The following PACS1 variants were observed in gnomAD, a reference collection of about 807,000 sequenced individuals.
PACS1 encodes phosphofurin acidic cluster sorting protein 1.
A neutral mutation model predicts 115.0 loss-of-function variants in PACS1; 24 were observed. The observed-to-expected ratio is 0.21, with a 90% confidence interval of 0.15 to 0.29. The LOEUF is 0.29. Ranked by LOEUF, PACS1 falls within the 10% of genes least tolerant of loss-of-function variation. The pLI is 1.00. For synonymous variants in PACS1, 453 were observed against 504.5 expected (o/e 0.90, Z 1.37); for missense variants, 838 against 1,251.2 (o/e 0.67, Z 4.98).
intron 7 of PACS1, 87 bp downstream of exon 7, chr11:66,216,862 C>CTTATTTTTTTTTTTTTTT: frequency 4.7e-6 from 4 of 849,820 alleles, no homozygotes; most frequent in East Asian, 2.7e-5. Flanking sequence ...CTAGTGGAGA[C>CTTATTTTTTTTTTTTTTT]TTCTTAAAAT....
intron 2 of PACS1, among the ~76,000 whole-genome samples, chr11:66,196,040 T>C (rs1406136801): frequency 2.0e-5 from 3 of 152,144 alleles, no homozygotes; most frequent in Non-Finnish European, 4.4e-5. Flanking sequence ...CAGAGGTCAT[T>C]GTGTTGTTTA....
rs1347789516 is a variant in PACS1 at position 66,220,194 on chromosome 11, C to G, written c.1038+389C>G. ...TCCTTGTTGGTCAGCCCTGGAATAACCAGGAATGGGGCTGCTGAGAGAGAA... is the reference window on the plus strand; with the variant it reads ...TCCTTGTTGGTCAGCCCTGGAATAAGCAGGAATGGGGCTGCTGAGAGAGAA... On this transcript the variant is annotated intron_variant, in intron 8 of 23. Transcript: ENST00000320580. 6.3e-6 allele frequency: 2 copies of G among 317,542 alleles called. 1 individual carries two copies. The highest frequency in any genetic ancestry group is 1.5e-4 in the East Asian group (2 of 13,724). 19.7% of individuals were successfully genotyped at this position (317,542 alleles called of 1,614,324 possible).
intron 1 of PACS1, among the ~76,000 whole-genome samples, chr11:66,172,712 C>T (rs908757720): frequency 1.1e-4 from 16 of 152,220 alleles, no homozygotes; most frequent in Admixed American, 8.5e-4. Flanking sequence ...CAGCCAGGTG[C>T]GGTGGCTCAC....
At chr11:66,215,895 G>A (rs553356556) in intron 4 of PACS1, among the ~76,000 whole-genome samples, 33 of 136,954 alleles carry the variant, frequency 2.4e-4, no homozygotes, top group African/African-American at 6.6e-4. Flanking sequence ...GAGAGACTCC[G>A]TCTCAAAAAT....
intron 1 of PACS1, among the ~76,000 whole-genome samples, chr11:66,167,926 A>G (rs984231459): frequency 6.7e-6 from 1 of 150,158 alleles, no homozygotes; most frequent in Non-Finnish European, 1.5e-5. Flanking sequence ...TGATAGCCTA[A>G]TTTCCCCACC....
At chr11:66,117,776 G>T (rs1483153065) in intron 1 of PACS1, among the ~76,000 whole-genome samples, 1 of 152,040 alleles carries the variant, frequency 6.6e-6, no homozygotes, top group Non-Finnish European at 1.5e-5. Flanking sequence ...AACCCAGGAG[G>T]TGAGGTTGCA....
At chr11:66,150,971 G>A (rs1859221720) in intron 1 of PACS1, among the ~76,000 whole-genome samples, 1 of 152,124 alleles carries the variant, frequency 6.6e-6, no homozygotes, top group African/African-American at 2.4e-5. Context: ...CAGCCTTACA[G>A]ATGAGAGGTG....
intron 1 of PACS1, among the ~76,000 whole-genome samples, chr11:66,165,570 T>C (rs1195937767): frequency 6.6e-6 from 1 of 152,152 alleles, no homozygotes; most frequent in Non-Finnish European, 1.5e-5. Context: ...AACTTGCATG[T>C]CCTGACTTTT....
At chr11:66,221,766 G>C (rs1855354946) in intron 10 of PACS1, 1 of 155,248 alleles carries the variant, frequency 6.4e-6, no homozygotes, top group Non-Finnish European at 1.4e-5. Context: ...AGGCTGGGTT[G>C]TTCCTTTTGG....
At chr11:66,188,369 G>C (rs540702090) in intron 1 of PACS1, among the ~76,000 whole-genome samples, 4 of 151,874 alleles carry the variant, frequency 2.6e-5, no homozygotes, top group Admixed American at 6.6e-5. Context: ...CTTGGGAGCT[G>C]GTTATAGGAG....
intron 1 of PACS1, among the ~76,000 whole-genome samples, chr11:66,114,075 G>A (rs908132168): frequency 2.0e-5 from 3 of 151,342 alleles, no homozygotes; most frequent in South Asian, 2.1e-4. Flanking sequence ...CATTGTTTAC[G>A]TAAGCAGAAT....
chr11:66,129,867 A>T (rs1200715707), intron 1 of PACS1, among the ~76,000 whole-genome samples: 1 of 152,120 alleles, frequency 6.6e-6, no homozygotes, highest in South Asian at 2.1e-4. Context: ...ATGCATTTTT[A>T]TGCTAGAATA....
At chr11:66,125,667 T>C (rs1479433595) in intron 1 of PACS1, among the ~76,000 whole-genome samples, 1 of 152,216 alleles carries the variant, frequency 6.6e-6, no homozygotes, top group Non-Finnish European at 1.5e-5. Context: ...TGTCTAACTA[T>C]GCCTGTGTAG....
intron 11 of PACS1, among the ~76,000 whole-genome samples, chr11:66,229,533 G>A (rs77194564): frequency 1.6e-3 from 239 of 152,022 alleles, no homozygotes; most frequent in African/African-American, 5.2e-3. Flanking sequence ...CTAAAAATAA[G>A]CCGGGCGTGG....
chr11:66,197,468 TAG>T (rs1424992669), intron 2 of PACS1, among the ~76,000 whole-genome samples: 1 of 152,132 alleles, frequency 6.6e-6, no homozygotes, highest in African/African-American at 2.4e-5. Context: ...AACTACCACT[TAG>T]AGAGTTAATG....
intron 1 of PACS1, among the ~76,000 whole-genome samples, chr11:66,168,057 T>C (rs1391564155): frequency 6.7e-6 from 1 of 150,346 alleles, no homozygotes; most frequent in East Asian, 1.9e-4. Flanking sequence ...GCCACCACCA[T>C]GCCTGGCTAC....
At chr11:66,218,040 G>C in intron 7 of PACS1, 1 of 161,680 alleles carries the variant, frequency 6.2e-6, no homozygotes, top group Non-Finnish European at 1.3e-5. Flanking sequence ...TTCTATCCCA[G>C]AGACTCAGTG....
In PACS1 at chr11:66,202,742, AATATATATATATATATATATATAT is replaced by A. The variant is rs56203680; in HGVS notation, c.445-7603_445-7580del. On this transcript the variant is annotated intron_variant, in intron 2 of 23. Transcript: ENST00000320580. ...CATCTCTAGGAAAAAAAAAAAAAAA[AATATATATATATATATATATATAT>A]ATATATATATATATATTCTGAAAAA... Among the ~76,000 whole-genome samples, 32 of 71,610 alleles carry A rather than the reference AATATATATATATATATATATATAT, an allele frequency of 4.5e-4. 1 individual carries two copies. The highest frequency in any genetic ancestry group is 2.2e-3 in the African/African-American group (28 of 12,586). 47.0% of individuals were successfully genotyped at this position (71,610 alleles called of 152,430 possible). A position where few individuals can be genotyped will look rare whatever the true frequency, so the allele number is the denominator to read the frequency against.
chr11:66,130,128 G>A (rs1158213564), intron 1 of PACS1, among the ~76,000 whole-genome samples: 1 of 152,168 alleles, frequency 6.6e-6, no homozygotes, highest in Non-Finnish European at 1.5e-5. Context: ...ATACAGTCCT[G>A]CCCTTAAGGA....
Sources: gnomAD v4.1 joint callset for allele counts (sites outside exome capture counted in the v4.1 genomes callset) on GRCh38, gnomAD v4.1.1 for gene constraint, MANE v1.5 for transcripts, NCBI Gene and HGNC (gene_info 2026-07-23, HGNC 2026-07-21) for gene names.